OPRM1: variants seen among roughly 807,000 people sequenced by gnomAD.
OPRM1 encodes opioid receptor mu 1.
In OPRM1, 27 loss-of-function variants were observed where a neutral mutation model predicts 31.8. The ratio of observed to expected loss-of-function variants is 0.85; its 90% CI spans 0.63 to 1.17. The LOEUF (loss-of-function observed/expected upper bound fraction) is 1.17, where lower values mean the gene tolerates loss of function less well. Among genes scored for constraint, OPRM1 ranks in the 50% most tolerant of loss-of-function variants. The probability of loss-of-function intolerance (pLI) is 0.00; values close to 1 mark genes in which losing one functional copy is unlikely to be tolerated. For missense variants in OPRM1, 536 were observed against 511.1 expected, an observed-to-expected ratio of 1.05 and a Z score of -0.47; for synonymous variants, 196 against 189.9, an observed-to-expected ratio of 1.03 and a Z score of -0.26.
At chr6:154,235,331 G>C (rs1265677501) in intron 3 of OPRM1, among the ~76,000 whole-genome samples, 1 of 152,110 alleles carries the variant, frequency 6.6e-6, no homozygotes, top group Non-Finnish European at 1.5e-5. Context: ...AGGAGTTTGA[G>C]ACCAGCCTGG....
chr6:154,151,185 C>G lies in OPRM1; in HGVS notation c.1164+59713C>G, dbSNP rs778144003. ...TTACGATCGGTATCCTGGGTCCTTTCCAGTACTAACCGCCTTAGGCTGGAA... is the reference window on the plus strand; with the variant it reads ...TTACGATCGGTATCCTGGGTCCTTTGCAGTACTAACCGCCTTAGGCTGGAA... On this transcript the variant is annotated intron_variant, in intron 3 of 3. Transcript: ENST00000337049. Among the ~76,000 whole-genome samples the G allele has an allele frequency of 6.6e-5, 10 of 152,328 alleles. 1 individual carries two copies. The South Asian group carries it at 2.1e-3, about 32-fold the overall frequency.
intron 1 of OPRM1, among the ~76,000 whole-genome samples, chr6:154,050,941 G>A (rs1782083858): frequency 6.6e-6 from 1 of 151,996 alleles, no homozygotes; most frequent in Non-Finnish European, 1.5e-5. Context: ...ATATTAGCAT[G>A]TTTTATTTTG....
intron 1 of OPRM1, among the ~76,000 whole-genome samples, chr6:154,012,645 A>G (rs1777791537): frequency 6.6e-6 from 1 of 152,116 alleles, no homozygotes; most frequent in Non-Finnish European, 1.5e-5. Context: ...AGCAATGTTC[A>G]AAAGTTAAAA....
chr6:154,235,383 T>A (rs1432264547), intron 3 of OPRM1, among the ~76,000 whole-genome samples: 3 of 151,890 alleles, frequency 2.0e-5, no homozygotes, highest in Non-Finnish European at 4.4e-5. Flanking sequence ...ATACAAAAAA[T>A]TAGCTGGGTG....
chr6:154,013,660 C>T lies in OPRM1; in HGVS notation c.-1+2642C>T, dbSNP rs185348125. ...ACAAAATTGTCACATTTCAGCAATA[C>T]GTATTTATTGCTCATGTGTCTGAGA... On this transcript the variant is annotated intron_variant, in intron 1 of 5. Coordinates refer to the OPRM1 transcript ENST00000434900. 4.0e-4 allele frequency among the ~76,000 whole-genome samples: 61 copies of T among 152,204 alleles called. No individual in the cohort carries two copies. The East Asian group carries it at 0.011, about 27-fold the overall frequency.
rs199902002 is a variant in OPRM1, at chr6:154,119,105, C to T, written c.*384C>T. 1.0e-5 allele frequency: 10 copies of T among 1,002,174 alleles called. No homozygotes were observed. The highest frequency in any genetic ancestry group is 1.1e-5 in the Non-Finnish European group (9 of 840,726). 62.1% of individuals were successfully genotyped at this position (1,002,174 alleles called of 1,614,324 possible). On this transcript the variant is annotated 3_prime_UTR_variant, in exon 4 of 4. Coordinates refer to ENST00000330432, the MANE Select transcript of OPRM1 (RefSeq NM_000914.5). Reference sequence around the variant, plus strand: ...TCTTTTGTTAAGTTCACCGTAGTAACACATAAAGTAAATGCTACCTCTGAT... The same window carrying T: ...TCTTTTGTTAAGTTCACCGTAGTAATACATAAAGTAAATGCTACCTCTGAT...
chr6:154,204,109 G>A (rs774053131), intron 3 of OPRM1, among the ~76,000 whole-genome samples: 31 of 152,052 alleles, frequency 2.0e-4, no homozygotes, highest in South Asian at 4.1e-4. Context: ...AAAAATCTTC[G>A]TTCTAGTTAA....
intron 3 of OPRM1, chr6:154,219,110 T>G (rs1017228053): frequency 6.6e-6 from 1 of 152,098 alleles, no homozygotes; most frequent in Non-Finnish European, 1.5e-5. Flanking sequence ...GAAATGTAAA[T>G]AAACACTGGG....
chr6:154,061,848 G>T (rs561664118), intron 1 of OPRM1, among the ~76,000 whole-genome samples: 62 of 151,926 alleles, frequency 4.1e-4, no homozygotes, highest in Non-Finnish European at 8.4e-4. Flanking sequence ...AGGTGTTAAG[G>T]AAATGTATGT....
chr6:154,225,444 T>C (rs1779175419), intron 3 of OPRM1, among the ~76,000 whole-genome samples: 2 of 152,242 alleles, frequency 1.3e-5, no homozygotes, highest in South Asian at 4.1e-4. Context: ...ACATGCTACG[T>C]GGATGAATCT....
intron 1 of OPRM1, among the ~76,000 whole-genome samples, chr6:154,082,873 C>T (rs778729045): frequency 6.6e-6 from 1 of 152,016 alleles, no homozygotes; most frequent in African/African-American, 2.4e-5. Flanking sequence ...AAAATCAAAG[C>T]CACAGATAGG....
intron 3 of OPRM1, among the ~76,000 whole-genome samples, chr6:154,207,142 C>T (rs998064517): frequency 2.0e-5 from 3 of 152,202 alleles, no homozygotes; most frequent in Admixed American, 6.5e-5. Context: ...AGGGCCTCAA[C>T]TAGGCAGTGG....
At chr6:154,170,512 T>G (rs1246263800) in intron 3 of OPRM1, among the ~76,000 whole-genome samples, 1 of 152,238 alleles carries the variant, frequency 6.6e-6, no homozygotes, top group Non-Finnish European at 1.5e-5. Flanking sequence ...AAAGCAAAGA[T>G]GATGCACTCA....
intron 3 of OPRM1, among the ~76,000 whole-genome samples, chr6:154,240,354 T>C (rs145550707): frequency 3.4e-4 from 52 of 152,332 alleles, no homozygotes; most frequent in African/African-American, 1.1e-3. Context: ...TATAATAAGC[T>C]ATGACTAATG....
chr6:154,063,163 G>A (rs1011294480), intron 1 of OPRM1, among the ~76,000 whole-genome samples: 1 of 151,914 alleles, frequency 6.6e-6, no homozygotes, highest in Non-Finnish European at 1.5e-5. Flanking sequence ...AAACATTTTT[G>A]TCTTTGACAA....
At chr6:154,069,332 A>C (rs1016305924) in intron 1 of OPRM1, among the ~76,000 whole-genome samples, 4 of 152,078 alleles carry the variant, frequency 2.6e-5, no homozygotes, top group African/African-American at 9.7e-5. Context: ...TCCACCTCCC[A>C]GGTTCAAGTG....
At chr6:154,169,839 G>A (rs193160704) in intron 3 of OPRM1, among the ~76,000 whole-genome samples, 31 of 152,306 alleles carry the variant, frequency 2.0e-4, no homozygotes, top group African/African-American at 7.2e-4. Flanking sequence ...GGCCATTTGG[G>A]GCCAAGGAGA....
chr6:154,060,751 G>T (rs1427794346), intron 1 of OPRM1, among the ~76,000 whole-genome samples: 1 of 152,108 alleles, frequency 6.6e-6, no homozygotes, highest in Admixed American at 6.5e-5. Context: ...AACAATAGGG[G>T]CAGAATGCTT....
At chr6:154,170,433 A>G (rs1007741944) in intron 3 of OPRM1, among the ~76,000 whole-genome samples, 2 of 152,238 alleles carry the variant, frequency 1.3e-5, no homozygotes, top group Non-Finnish European at 2.9e-5. Context: ...CTACGATTAG[A>G]AACCTTTATG....
Sources: gnomAD v4.1 joint callset for allele counts (sites outside exome capture counted in the v4.1 genomes callset) on GRCh38, gnomAD v4.1.1 for gene constraint, MANE v1.5 for transcripts, NCBI Gene and HGNC (gene_info 2026-07-23, HGNC 2026-07-21) for gene names.